Variants in PSME3 observed in about 807,000 individuals in gnomAD.
PSME3 encodes proteasome activator subunit 3.
In PSME3, 7 loss-of-function variants were observed where a neutral mutation model predicts 38.3. The observed-to-expected ratio is 0.18, with a 90% confidence interval of 0.10 to 0.34. The LOEUF is 0.34. Among genes scored for constraint, PSME3 ranks in the 10% least tolerant of loss-of-function variants. PSME3 has a pLI of 1.00. For synonymous variants in PSME3, 108 were observed against 105.7 expected, an observed-to-expected ratio of 1.02 and a Z score of -0.13; for missense variants, 192 against 307.6, an observed-to-expected ratio of 0.62 and a Z score of 2.81.
At chr17:42,840,800 G>A (rs2055522379) in intron 10 of PSME3, among the ~76,000 whole-genome samples, 1 of 152,104 alleles carries the variant, frequency 6.6e-6, no homozygotes, top group African/African-American at 2.4e-5. Flanking sequence ...TAAGAGAGGT[G>A]GTGCTGCCAC....
chr17:42,834,612 T>A, intron 3 of PSME3, 35 bp downstream of exon 3: 1 of 1,609,056 alleles, frequency 6.2e-7, no homozygotes, highest in Non-Finnish European at 8.5e-7. Flanking sequence ...AATTCCCCAA[T>A]TTTTTTGGCC....
At chr17:42,837,783 C>G in intron 5 of PSME3, 86 bp downstream of exon 5, 6 of 1,437,642 alleles carry the variant, frequency 4.2e-6, no homozygotes, top group South Asian at 1.1e-5. Context: ...GTTCTCCTGA[C>G]CAGGAGGCAA....
At position 42,838,754 on chromosome 17, in the gene PSME3, G is replaced by A. The variant is rs1441023434; in HGVS notation, c.429G>A (p.Leu143=). Residue 143 remains leucine, a synonymous_variant, in exon 7 of 11, where the codon CTG becomes CTA. Transcript: ENST00000590720. ...CNTVKMWVQL[L]IPRIEDGNNF... ...AGGTCAAAATGTGGGTACAGCTCCT[G>A]ATTCCCAGGATAGAAGATGGAAACA... is the stretch of plus-strand genomic sequence containing the variant. The A allele has an allele frequency of 1.2e-6, 2 of 1,613,202 alleles. No homozygotes were observed. The highest frequency in any genetic ancestry group is 2.2e-5 in the East Asian group (1 of 44,886).
intron 1 of PSME3, chr17:42,834,069 T>C: frequency 2.1e-6 from 3 of 1,444,482 alleles, no homozygotes; most frequent in Non-Finnish European, 1.8e-6. Context: ...TAACTACCTG[T>C]CTTTTGTCTG....
intron 4 of PSME3, among the ~76,000 whole-genome samples, chr17:42,835,303 C>T (rs1281038807): frequency 2.0e-5 from 3 of 152,170 alleles, no homozygotes; most frequent in Non-Finnish European, 4.4e-5. Flanking sequence ...TCCCAAAGTG[C>T]TGGGATTACA....
intron 4 of PSME3, 40 bp downstream of exon 4, chr17:42,834,916 G>GGTCCTCT: frequency 6.2e-7 from 1 of 1,610,534 alleles, no homozygotes; most frequent in Non-Finnish European, 8.5e-7. Context: ...TTGAGCAGTA[G>GGTCCTCT]GTCCTCTGTC....
At chr17:42,834,106 A>G in intron 1 of PSME3, 2 of 1,454,006 alleles carry the variant, frequency 1.4e-6, no homozygotes, top group South Asian at 2.9e-5. Context: ...AGCTTCAGAC[A>G]CAGGAGGAAG....
intron 10 of PSME3, 64 bp from the exon 11 acceptor site, chr17:42,841,434 C>G: frequency 9.6e-7 from 1 of 1,042,018 alleles, no homozygotes. Flanking sequence ...GAAGGGGTCT[C>G]TCATTTTCTT....
At position 42,834,590 on chromosome 17, in the gene PSME3, A is replaced by T; in HGVS notation, c.138+13A>T. ...TAGTTTTCTGAAGGTGAGAGACCCT[A>T]TTCTTTCCTCAAATTCCCCAATTTT... On this transcript the variant is annotated intron_variant, in intron 3 of 10. Transcript: ENST00000590720. The T allele has an allele frequency of 6.2e-7, 1 of 1,613,124 alleles. No individual in the cohort carries two copies. Among genetic ancestry groups the T allele is most frequent in the Non-Finnish European group, 8.5e-7 (1 of 1,179,292 alleles).
chr17:42,834,097 G>A, intron 1 of PSME3: 1 of 1,452,300 alleles, frequency 6.9e-7, no homozygotes. Flanking sequence ...AATTCAGACA[G>A]CTTCAGACAC....
chr17:42,837,835 C>A, intron 5 of PSME3, 138 bp downstream of exon 5: 2 of 1,061,900 alleles, frequency 1.9e-6, no homozygotes, highest in East Asian at 2.4e-5. Context: ...CCAGCTCCTC[C>A]AAACGTGCTT....
At chr17:42,834,174 C>A in intron 1 of PSME3, 170 bp from the exon 2 acceptor site, 2 of 1,519,810 alleles carry the variant, frequency 1.3e-6, no homozygotes, top group Non-Finnish European at 8.8e-7. Context: ...GCCCTGCGTT[C>A]TTCTGAGATG....
Position 42,839,274 on chromosome 17 carries a change from T to C in PSME3, c.598-20T>C. Reference sequence around the variant, plus strand: ...CAATTGGGCTTTGGGGACTAGCTTTTTCCTGTACCCTCCTTGCAGGAGGAC... The same window carrying C: ...CAATTGGGCTTTGGGGACTAGCTTTCTCCTGTACCCTCCTTGCAGGAGGAC... On this transcript the variant is annotated intron_variant, in intron 9 of 10. Coordinates refer to ENST00000590720, the MANE Select transcript of PSME3 (RefSeq NM_005789.4). 3 of 1,606,008 alleles carry C rather than the reference T, an allele frequency of 1.9e-6. No homozygotes were observed. The highest frequency in any genetic ancestry group is 2.6e-6 in the Non-Finnish European group (3 of 1,172,612).
At chr17:42,835,500 C>T (rs535985803) in intron 4 of PSME3, among the ~76,000 whole-genome samples, 5 of 152,176 alleles carry the variant, frequency 3.3e-5, no homozygotes, top group East Asian at 1.9e-4. Flanking sequence ...CCGACGTGGA[C>T]GGATCATGAG....
Position 42,842,624 on chromosome 17 carries a change from C to T in PSME3, c.*1046C>T, listed in dbSNP as rs974167909. 1 of 152,744 alleles carries T rather than the reference C, an allele frequency of 6.5e-6. No homozygotes were observed. The highest frequency in any genetic ancestry group is 2.4e-5 in the African/African-American group (1 of 41,412). The allele number at this position is 152,744 out of a possible 1,614,324, so 9.5% of individuals were successfully genotyped here. ...AACTATTTCTCTTTATTTATAGTGT[C>T]GGGCTTCCGGGGAAAGCAATCATTG... is the stretch of plus-strand genomic sequence containing the variant. On this transcript the variant is annotated 3_prime_UTR_variant, in exon 11 of 11. Transcript: ENST00000590720.
rs1238928872 is a variant in PSME3, at chr17:42,839,302, T to C, written c.606T>C (p.Tyr202=). ...KIAKYPHVED[Y]RRTVTEIDEK... is the part of the protein sequence containing the mutation. ...CTGTACCCTCCTTGCAGGAGGACTA[T>C]CGCCGCACCGTGACAGAGATTGATG... Residue 202 remains tyrosine (Y), a synonymous_variant, in exon 10 of 11, where the codon TAT becomes TAC. Coordinates refer to ENST00000590720, the MANE Select transcript of PSME3 (RefSeq NM_005789.4). 1 of 1,613,516 alleles carries C rather than the reference T, an allele frequency of 6.2e-7. No individual in the cohort carries two copies. Among genetic ancestry groups the C allele is most frequent in the African/African-American group, 1.3e-5 (1 of 74,914 alleles).
chr17:42,834,029 G>A (rs553481231), intron 1 of PSME3: 5 of 1,440,074 alleles, frequency 3.5e-6, no homozygotes, highest in African/African-American at 2.9e-5. Flanking sequence ...CTGGGTGGGG[G>A]TTGGCACGTT....
Position 42,837,706 on chromosome 17 carries a change from C to T in PSME3, c.292+9C>T, listed in dbSNP as rs1032589348. ...TGAAGAAGCCTTCCAAGGTAAGAGG[C>T]ACCCTTACCTCACCTCCCCTCACCC... On this transcript the variant is annotated intron_variant, in intron 5 of 10. Transcript: ENST00000590720. 4 of 1,612,254 alleles carry T rather than the reference C, an allele frequency of 2.5e-6. No homozygotes were observed. The highest frequency in any genetic ancestry group is 2.7e-5 in the African/African-American group (2 of 74,818).
At chr17:42,841,231 G>GT (rs577422450) in intron 10 of PSME3, among the ~76,000 whole-genome samples, 6 of 150,276 alleles carry the variant, frequency 4.0e-5, no homozygotes, top group South Asian at 2.1e-4. Context: ...TCAAAACCAA[G>GT]TTTTTTTTTC....
Sources: allele counts gnomAD v4.1 joint callset (sites outside exome capture counted in the v4.1 genomes callset), GRCh38; gene constraint gnomAD v4.1.1; transcripts MANE v1.5; gene names NCBI Gene and HGNC (gene_info 2026-07-23, HGNC 2026-07-21).